The following GABRA2 variants were observed in gnomAD, a reference collection of about 807,000 sequenced individuals.
The protein encoded by GABRA2 is gamma-aminobutyric acid receptor subunit alpha-2.
A neutral mutation model predicts 48.7 loss-of-function variants in GABRA2; 16 were observed. The observed-to-expected ratio is 0.33, with a 90% confidence interval of 0.22 to 0.50. GABRA2 has a LOEUF of 0.50. GABRA2 is among the 20% of genes least tolerant of loss of function. The pLI is 0.98. For synonymous variants in GABRA2, 185 were observed against 184.5 expected (o/e 1.00, Z -0.02); for missense variants, 275 against 535.6 (o/e 0.51, Z 4.80).
chr4:46,369,670 T>C (rs1323707390), intron 3 of GABRA2, among the ~76,000 whole-genome samples: 2 of 152,112 alleles, frequency 1.3e-5, no homozygotes, highest in African/African-American at 2.4e-5. Context: ...ATATGATTAC[T>C]GTTATATCCT....
At chr4:46,260,784 T>G (rs1370500838) in intron 9 of GABRA2, 2 of 151,932 alleles carry the variant, frequency 1.3e-5, no homozygotes, top group Non-Finnish European at 2.9e-5. Flanking sequence ...CCTTTTAATA[T>G]TTATTTGTTG....
chr4:46,259,535 G>A (rs1428900920), intron 9 of GABRA2, among the ~76,000 whole-genome samples: 2 of 151,774 alleles, frequency 1.3e-5, no homozygotes, highest in African/African-American at 4.8e-5. Flanking sequence ...GTAATATGTC[G>A]AGTGTGCACA....
chr4:46,293,222 A>G (rs2109550520), intron 8 of GABRA2, among the ~76,000 whole-genome samples: 1 of 152,280 alleles, frequency 6.6e-6, no homozygotes, highest in East Asian at 1.9e-4. Flanking sequence ...AAAAACAGAG[A>G]ATCATGGTGC....
At chr4:46,340,404 A>G (rs988458085) in intron 3 of GABRA2, among the ~76,000 whole-genome samples, 1 of 151,956 alleles carries the variant, frequency 6.6e-6, no homozygotes, top group African/African-American at 2.4e-5. Flanking sequence ...AGCTCTGGCA[A>G]CTGCTAATTC....
At chr4:46,377,049 C>G (rs1715840225) in intron 3 of GABRA2, among the ~76,000 whole-genome samples, 1 of 152,124 alleles carries the variant, frequency 6.6e-6, no homozygotes, top group Admixed American at 6.5e-5. Flanking sequence ...CAATGGTGCC[C>G]AGGCTGGAGT....
chr4:46,294,626 G>A (rs1724288832), intron 8 of GABRA2, among the ~76,000 whole-genome samples: 1 of 152,182 alleles, frequency 6.6e-6, no homozygotes, highest in South Asian at 2.1e-4. Flanking sequence ...TGATGCTTGA[G>A]GTGTCAGGGG....
intron 3 of GABRA2, among the ~76,000 whole-genome samples, chr4:46,379,528 A>G (rs1376268086): frequency 6.6e-6 from 1 of 152,256 alleles, no homozygotes; most frequent in Non-Finnish European, 1.5e-5. Flanking sequence ...AAATAATAAA[A>G]TGCAGTGTTC....
chr4:46,278,299 A>G (rs1720892721), intron 8 of GABRA2, among the ~76,000 whole-genome samples: 1 of 152,154 alleles, frequency 6.6e-6, no homozygotes, highest in Admixed American at 6.6e-5. Flanking sequence ...CTTCACACAT[A>G]TGGTTCCATG....
intron 4 of GABRA2, among the ~76,000 whole-genome samples, chr4:46,324,939 A>G (rs925944736): frequency 6.6e-6 from 1 of 151,970 alleles, no homozygotes; most frequent in African/African-American, 2.4e-5. Flanking sequence ...AGGTGTACAC[A>G]GACCGCATTT....
At chr4:46,355,018 C>T (rs1735737914) in intron 3 of GABRA2, among the ~76,000 whole-genome samples, 1 of 152,070 alleles carries the variant, frequency 6.6e-6, no homozygotes, top group African/African-American at 2.4e-5. Context: ...TCACAGGCAG[C>T]CATGAACTGA....
intron 8 of GABRA2, among the ~76,000 whole-genome samples, chr4:46,264,177 G>A (rs1264650684): frequency 6.6e-6 from 1 of 151,858 alleles, no homozygotes; most frequent in East Asian, 1.9e-4. Context: ...CGTTGATTTT[G>A]TACCCTGAAA....
At chr4:46,286,667 T>A (rs1327167225) in intron 8 of GABRA2, among the ~76,000 whole-genome samples, 1 of 152,198 alleles carries the variant, frequency 6.6e-6, no homozygotes, top group African/African-American at 2.4e-5. Context: ...TGTATCACAC[T>A]GTGGTTTTTG....
At chr4:46,300,600 C>T (rs1001466932) in intron 8 of GABRA2, among the ~76,000 whole-genome samples, 9 of 151,970 alleles carry the variant, frequency 5.9e-5, no homozygotes, top group Admixed American at 5.2e-4. Flanking sequence ...GTCTACTGAA[C>T]ATCAAATTGA....
chr4:46,307,910 AAC>A (rs1324281958), intron 6 of GABRA2, among the ~76,000 whole-genome samples: 1 of 152,194 alleles, frequency 6.6e-6, no homozygotes. Context: ...TATATACATT[AAC>A]ACACATATAA....
At chr4:46,384,034 G>C (rs1005806644) in intron 3 of GABRA2, among the ~76,000 whole-genome samples, 2 of 152,080 alleles carry the variant, frequency 1.3e-5, no homozygotes, top group Admixed American at 1.3e-4. Flanking sequence ...TACACTTTTT[G>C]TTTATATAAT....
intron 3 of GABRA2, among the ~76,000 whole-genome samples, chr4:46,370,334 TCAG>T (rs1301472594): frequency 6.6e-6 from 1 of 151,912 alleles, no homozygotes; most frequent in African/African-American, 2.4e-5. Flanking sequence ...CTCATATACT[TCAG>T]AAGAGAGAAG....
At position 46,313,116 on chromosome 4, in the gene GABRA2, CAAATAAATAAAT is replaced by C. The variant is rs199996713; in HGVS notation, c.256-412_256-401del. Among the ~76,000 whole-genome samples the C allele has an allele frequency of 6.4e-3, 866 of 134,476 alleles. 9 individuals carry two copies. Among genetic ancestry groups the C allele is most frequent in the African/African-American group, 0.016 (580 of 36,644 alleles). 88.2% of individuals were successfully genotyped at this position (134,476 alleles called of 152,430 possible). ...AATGAGTAGGCAGCTTTCCCAGTAG[CAAATAAATAAAT>C]AAATAAATAAATAAATAAATAAATA... On this transcript the variant is annotated intron_variant, in intron 4 of 9. Transcript: ENST00000381620.
At chr4:46,261,690 GCA>G in intron 9 of GABRA2, 1 of 596,410 alleles carries the variant, frequency 1.7e-6, no homozygotes, top group Non-Finnish European at 3.0e-6. Flanking sequence ...AAAACACTTA[GCA>G]CAGTGCCTGA....
chr4:46,342,158 A>C (rs1024195936), intron 3 of GABRA2, among the ~76,000 whole-genome samples: 3 of 152,068 alleles, frequency 2.0e-5, no homozygotes, highest in African/African-American at 7.2e-5. Context: ...TGAAACAATG[A>C]AAGTTAAAAT....
Sources: allele counts gnomAD v4.1 joint callset (sites outside exome capture counted in the v4.1 genomes callset), GRCh38; gene constraint gnomAD v4.1.1; transcripts MANE v1.5; gene names NCBI Gene and HGNC (gene_info 2026-07-23, HGNC 2026-07-21).